ITGB4: variants seen among roughly 807,000 people sequenced by gnomAD.
The protein encoded by ITGB4 is integrin subunit beta 4.
A neutral mutation model predicts 207.6 loss-of-function variants in ITGB4; 159 were observed. That is an observed-to-expected ratio of 0.77 (90% CI 0.67 to 0.87). The LOEUF (loss-of-function observed/expected upper bound fraction) is 0.87. Ranked by LOEUF, ITGB4 falls within the 40% of genes least tolerant of loss-of-function variation. ITGB4 has a pLI of 0.00. For missense variants in ITGB4, 2,278 were observed against 2,546.8 expected (o/e 0.89, Z 2.27); for synonymous variants, 1,020 against 1,062.7 (o/e 0.96, Z 0.78).
chr17:75,732,351 G>A lies in ITGB4; in HGVS notation c.1454+112G>A. 1 of 1,065,268 alleles carries A rather than the reference G, an allele frequency of 9.4e-7. No homozygotes were observed. The highest frequency in any genetic ancestry group is 1.4e-6 in the Non-Finnish European group (1 of 697,908). The allele number at this position is 1,065,268 out of a possible 1,614,324, so 66.0% of individuals were successfully genotyped here. A position where few individuals can be genotyped will look rare whatever the true frequency, so the allele number is the denominator to read the frequency against. On this transcript the variant is annotated intron_variant, in intron 12 of 39. Transcript: ENST00000200181. This position sits in a 1 kb window ranked among gnomAD's most constrained non-coding sequence, Gnocchi z 5.3. The stretch of plus-strand genomic sequence containing the variant: ...CACCTTGTACACCTGGCTGGGGGTG[G>A]GGCGGCAATCAAAGAAACGGCTAAG...
At position 75,744,644 on chromosome 17, in the gene ITGB4, C is replaced by G. The variant is rs12326030; in HGVS notation, c.3111+783C>G. 2.5e-3 allele frequency among the ~76,000 whole-genome samples: 388 copies of G among 152,348 alleles called. 1 individual carries two copies. The highest frequency in any genetic ancestry group is 8.8e-3 in the African/African-American group (366 of 41,582). Reference sequence around the variant, plus strand: ...CAATTTGCCAAGCAGCAGGAGCAACCCTTCAAGGCAGGGAGTGCCATGGCT... The same window carrying G: ...CAATTTGCCAAGCAGCAGGAGCAACGCTTCAAGGCAGGGAGTGCCATGGCT... On this transcript the variant is annotated intron_variant, in intron 26 of 39. Transcript: ENST00000200181.
Position 75,740,345 on chromosome 17 carries a change from C to T in ITGB4, c.2447-13C>T, listed in dbSNP as rs758989975. On this transcript the variant is annotated splice_polypyrimidine_tract_variant and intron_variant, in intron 20 of 39. Coordinates refer to ENST00000200181, the MANE Select transcript of ITGB4 (RefSeq NM_000213.5). This position sits in a 1 kb window ranked among gnomAD's most constrained non-coding sequence, Gnocchi z 5.9. ...CCACCTCCATCTCACCCCCTCCCAC[C>T]GCCTTTCCTTAGTGCCCTACGGGCT... 12 of 1,609,166 alleles carry T rather than the reference C, an allele frequency of 7.5e-6. No homozygotes were observed. The highest frequency in any genetic ancestry group is 1.7e-4 in the Middle Eastern group (1 of 5,876).
Position 75,732,333 on chromosome 17 carries a change from T to G in ITGB4, c.1454+94T>G. 8.2e-7 allele frequency: 1 copy of G among 1,224,554 alleles called. No homozygotes were observed. The highest frequency in any genetic ancestry group is 1.2e-6 in the Non-Finnish European group (1 of 833,896). The allele number at this position is 1,224,554 out of a possible 1,614,324, so 75.9% of individuals were successfully genotyped here. A position where few individuals can be genotyped will look rare whatever the true frequency, so the allele number is the denominator to read the frequency against. On this transcript the variant is annotated intron_variant, in intron 12 of 39. Coordinates refer to ENST00000200181, the MANE Select transcript of ITGB4 (RefSeq NM_000213.5). The surrounding 1 kb of genome is among the most constrained non-coding windows in gnomAD (Gnocchi z 5.3). ...GGGGCCTGGCCCTGGGTGCACCTTG[T>G]ACACCTGGCTGGGGGTGGGGCGGCA...
chr17:75,743,975 G>T (rs1033518173), intron 26 of ITGB4, 114 bp downstream of exon 26: 1 of 1,231,592 alleles, frequency 8.1e-7, no homozygotes, highest in Non-Finnish European at 1.1e-6. Context: ...GATACTGGCC[G>T]TGCCCCTGGC....
intron 1 of ITGB4, among the ~76,000 whole-genome samples, chr17:75,723,170 C>T (rs1238822343): frequency 1.3e-5 from 2 of 152,194 alleles, no homozygotes; most frequent in African/African-American, 4.8e-5. Flanking sequence ...CCTCCCAGTG[C>T]TGTCCGCGGG....
In ITGB4 at chr17:75,754,702, T is replaced by A. The variant is rs778439730; in HGVS notation, c.4445T>A (p.Leu1482Gln). 5 of 1,614,134 alleles carry A rather than the reference T, an allele frequency of 3.1e-6. No individual in the cohort carries two copies. In the South Asian group the frequency reaches 4.4e-5, roughly 14 times the overall value. ...AGCCCACACGTGCCCCACCGCGTGC[T>A]AAGCACATCCTCCACCCTCACACGG... ...HLSPHVPHRV[L>Q]STSSTLTRDY... Residue 1482 changes from leucine to glutamine, a missense_variant, in exon 34 of 40, where the codon CTA becomes CAA. By Grantham distance (113) the Leu-to-Gln change is moderately radical (BLOSUM62 -2). Transcript: ENST00000200181.
In ITGB4 at chr17:75,739,281, C is replaced by T. The variant is rs578169358; in HGVS notation, c.2221-391C>T. 1.1e-3 allele frequency among the ~76,000 whole-genome samples: 166 copies of T among 149,154 alleles called. No individual in the cohort carries two copies. The highest frequency in any genetic ancestry group is 1.9e-3 in the Non-Finnish European group (130 of 67,278). On this transcript the variant is annotated intron_variant, in intron 18 of 39. Transcript: ENST00000200181. The surrounding 1 kb of genome is among the most constrained non-coding windows in gnomAD (Gnocchi z 5.4). ...CTGCATTCCAGCCTGGGCAACAGAG[C>T]GAGACCCTGTCTCAAAAAAAAAAAA...
chr17:75,756,606 G>A lies in ITGB4; in HGVS notation c.4886G>A (p.Cys1629Tyr), dbSNP rs143575686. 2.6e-5 allele frequency: 42 copies of A among 1,612,624 alleles called. No homozygotes were observed. Among genetic ancestry groups the A allele is most frequent in the Admixed American group, 1.3e-4 (8 of 59,996 alleles). The change falls in exon 36 of 40, where the codon TGT (cysteine) becomes TAT (tyrosine). Residue 1629 changes from cysteine to tyrosine, a missense_variant. Physicochemically the swap from Cys to Tyr is radical, Grantham distance 194. Coordinates refer to ENST00000200181, the MANE Select transcript of ITGB4 (RefSeq NM_000213.5). ...ESQVHPQSPLCPLPGSAFTLS... is the reference protein window; with the variant it reads ...ESQVHPQSPLYPLPGSAFTLS... ...CAGGTGCACCCGCAGAGCCCACTGT[G>A]TCCCCTGCCAGGTGAGTTGCCTCCC...
Position 75,740,886 on chromosome 17 carries a change from C to A in ITGB4, c.2609+35C>A. On this transcript the variant is annotated intron_variant, in intron 22 of 39. Transcript: ENST00000200181. This position sits in a 1 kb window ranked among gnomAD's most constrained non-coding sequence, Gnocchi z 5.9. ...GGGGTGCCCGGGTTGGGTGGGGGAG[C>A]CGCTCCTACCGGGACTCCAGGAGCC... 6.2e-6 allele frequency: 10 copies of A among 1,613,158 alleles called. No individual in the cohort carries two copies. Among genetic ancestry groups the A allele is most frequent in the Non-Finnish European group, 8.5e-6 (10 of 1,179,634 alleles).
rs375483568 is a variant in ITGB4 at position 75,752,265 on chromosome 17, C to T, written c.3885C>T (p.Arg1295=). 18 of 1,613,546 alleles carry T rather than the reference C, an allele frequency of 1.1e-5. No individual in the cohort carries two copies. The African/African-American group carries it at 2.3e-4, about 20-fold the overall frequency. ...ACCTTCGGGAGTCCCAGCCCTACCG[C>T]TACACGGTGAAGGCGCGCAACGGGG... The part of the protein sequence containing the change: ...IENLRESQPY[R]YTVKARNGAG... The change falls in exon 31 of 40, where the codon CGC becomes CGT. Residue 1295 remains arginine (R), a synonymous_variant. Transcript: ENST00000200181.
intron 26 of ITGB4, 103 bp downstream of exon 26, chr17:75,743,964 G>A (rs2061176477): frequency 8.4e-6 from 11 of 1,313,742 alleles, no homozygotes; most frequent in Non-Finnish European, 1.1e-5. Flanking sequence ...TTGAGTCCCT[G>A]GATACTGGCC....
intron 25 of ITGB4, 38 bp from the exon 26 acceptor site, chr17:75,743,675 G>T: frequency 1.9e-6 from 3 of 1,613,274 alleles, no homozygotes; most frequent in Non-Finnish European, 2.5e-6. Flanking sequence ...AAGGGACTGG[G>T]CCCAGCACAC....
chr17:75,730,761 G>A (rs1017644324), intron 8 of ITGB4, 114 bp from the exon 9 acceptor site: 20 of 1,125,816 alleles, frequency 1.8e-5, no homozygotes, highest in African/African-American at 4.6e-5. Context: ...CAGGCTCTGC[G>A]ACACCACAGT....
rs1030289042 is a variant in ITGB4 at position 75,736,567 on chromosome 17, C to A, written c.1863C>A (p.Ile621=). Residue 621 remains isoleucine, a splice_region_variant and synonymous_variant, in exon 16 of 40, where the codon ATC becomes ATA. Transcript: ENST00000200181. ...CTGCCCCGCCTTTCCCCGCCAAGAT[C>A]CACCCGGGCCTCTGCGAGGACCTAC... ...DTICEINYSA[I]HPGLCEDLRS... The A allele has an allele frequency of 6.3e-7, 1 of 1,598,560 alleles. No homozygotes were observed. Among genetic ancestry groups the A allele is most frequent in the African/African-American group, 1.3e-5 (1 of 74,948 alleles).
chr17:75,721,931 G>A (rs1219775835), intron 1 of ITGB4, among the ~76,000 whole-genome samples: 1 of 152,250 alleles, frequency 6.6e-6, no homozygotes, highest in South Asian at 2.1e-4. Context: ...AAAGAAGGTG[G>A]AGTAGACACC....
rs374254754 is a variant in ITGB4, at chr17:75,731,365, A to C, written c.1212A>C (p.Glu404Asp). 6.2e-7 allele frequency: 1 copy of C among 1,608,788 alleles called. No homozygotes were observed. Among genetic ancestry groups the C allele is most frequent in the Non-Finnish European group, 8.5e-7 (1 of 1,176,656 alleles). ...GGTCCTTTCACATCCGGCGGGGGGAAGTGGTACGCCTCTGTGGGGGCAGCG... is the reference window on the plus strand; with the variant it reads ...GGTCCTTTCACATCCGGCGGGGGGACGTGGTACGCCTCTGTGGGGGCAGCG... The part of the protein sequence containing the change: ...RTGSFHIRRG[E>D]VGIYQVQLRA... The change falls in exon 10 of 40, where the codon GAA (glutamate) becomes GAC (aspartate). Residue 404 changes from glutamate to aspartate, a missense_variant. By Grantham distance (45) the Glu-to-Asp change is conservative. Coordinates refer to ENST00000200181, the MANE Select transcript of ITGB4 (RefSeq NM_000213.5). The surrounding 1 kb of genome is among the most constrained non-coding windows in gnomAD (Gnocchi z 6.8).
rs1162837029 is a variant in ITGB4, at chr17:75,756,829, C to T, written c.5023C>T (p.Leu1675=). 2.5e-6 allele frequency: 4 copies of T among 1,612,438 alleles called. No individual in the cohort carries two copies. The highest frequency in any genetic ancestry group is 3.4e-6 in the Non-Finnish European group (4 of 1,179,996). ...GCCCAATGGGGATATCGTCGGCTAC[C>T]TGGTGACCTGTGAGATGGCCCAAGG... The part of the protein sequence containing the change: ...RRPNGDIVGY[L]VTCEMAQGGG... The change falls in exon 37 of 40, where the codon CTG becomes TTG. Residue 1675 remains leucine (L), a synonymous_variant. Coordinates refer to ENST00000200181, the MANE Select transcript of ITGB4 (RefSeq NM_000213.5).
Position 75,754,630 on chromosome 17 carries a change from T to C in ITGB4, c.4373T>C (p.Leu1458Pro), listed in dbSNP as rs773675815. 3 of 1,613,990 alleles carry C rather than the reference T, an allele frequency of 1.9e-6. No individual in the cohort carries two copies. The highest frequency in any genetic ancestry group is 2.7e-5 in the African/African-American group (2 of 75,020). Reference protein sequence around the residue: ...DFAFPGSTNSLHRMTTTSAAA... With the variant: ...DFAFPGSTNSPHRMTTTSAAA... ...GCCTTCCCGGGCAGCACCAACTCCC[T>C]GCACAGGATGACCACGACCAGTGCT... The change falls in exon 34 of 40, where the codon CTG (leucine) becomes CCG (proline). Residue 1458 changes from leucine (L) to proline (P), a missense_variant. By Grantham distance (98) the Leu-to-Pro change is moderately conservative (BLOSUM62 -3). Transcript: ENST00000200181.
rs930197344 is a variant in ITGB4, at chr17:75,729,919, G to A, written c.739-322G>A. On this transcript the variant is annotated intron_variant, in intron 7 of 39. Transcript: ENST00000200181. The surrounding 1 kb of genome is among the most constrained non-coding windows in gnomAD (Gnocchi z 4.4). Reference sequence around the variant, plus strand: ...AGCACTTTGGGAGGCCGAGGCGGGGGGATTGCTTGAATTCAGGATTTGAGA... The same window carrying A: ...AGCACTTTGGGAGGCCGAGGCGGGGAGATTGCTTGAATTCAGGATTTGAGA... Among the ~76,000 whole-genome samples the A allele has an allele frequency of 6.6e-6, 1 of 152,194 alleles. No homozygotes were observed. The highest frequency in any genetic ancestry group is 1.5e-5 in the Non-Finnish European group (1 of 68,030).
Sources: gnomAD v4.1 joint callset for allele counts (sites outside exome capture counted in the v4.1 genomes callset) on GRCh38, gnomAD v4.1.1 for gene constraint, Gnocchi (gnomAD v3.1) non-coding constraint, MANE v1.5 for transcripts, NCBI Gene and HGNC (gene_info 2026-07-23, HGNC 2026-07-21) for gene names.